Variants in EPN1 observed in about 807,000 individuals in gnomAD.
The protein encoded by EPN1 is epsin-1.
EPN1 carries 25 observed loss-of-function variants against 56.9 expected under a neutral mutation model. The observed-to-expected ratio is 0.44, with a 90% CI of 0.32 to 0.61. The LOEUF is 0.61. Ranked by LOEUF, EPN1 falls within the 20% of genes least tolerant of loss-of-function variation. The probability of loss-of-function intolerance (pLI) is 0.05; values close to 1 mark genes in which losing one functional copy is unlikely to be tolerated. For synonymous variants in EPN1, 411 were observed against 361.8 expected, an observed-to-expected ratio of 1.14 and a Z score of -1.54; for missense variants, 785 against 823.7, an observed-to-expected ratio of 0.95 and a Z score of 0.58.
chr19:55,694,843 C>T lies in EPN1; in HGVS notation c.1382C>T (p.Pro461Leu). 1 of 1,609,768 alleles carries T rather than the reference C, an allele frequency of 6.2e-7. No homozygotes were observed. Among genetic ancestry groups the T allele is most frequent in the Non-Finnish European group, 8.5e-7 (1 of 1,178,330 alleles). ...GGCAGCCCCCCACCTGCAGCCACAC[C>T]AACTCCCACGCCCCCCACCCGGAAG... The part of the protein sequence containing the change: ...AVGSPPPAAT[P>L]TPTPPTRKTP... The change falls in exon 10 of 11, where the codon CCA becomes CTA. Residue 461 changes from proline to leucine, a missense_variant. Physicochemically the swap from Pro to Leu is moderately conservative, Grantham distance 98. Around this residue, in one of 2 missense-constraint regions of EPN1, gnomAD observed 650 missense variants for 605.0 expected, o/e 1.07. Transcript: ENST00000270460. This position sits in a 1 kb window ranked among gnomAD's most constrained non-coding sequence, Gnocchi z 4.2.
intron 1 of EPN1, chr19:55,676,865 G>T: frequency 4.0e-6 from 1 of 250,098 alleles, no homozygotes; most frequent in East Asian, 7.6e-5. Flanking sequence ...TTCTCATTGT[G>T]TCTCTGCCTA....
At chr19:55,693,260 G>C (rs753216036) in intron 9 of EPN1, 17 of 540,434 alleles carry the variant, frequency 3.1e-5, no homozygotes, top group Non-Finnish European at 4.3e-5. Context: ...ACTGAGAATT[G>C]TTCTCAAGGT....
chr19:55,685,775 C>A, intron 3 of EPN1, 130 bp downstream of exon 3: 1 of 1,210,876 alleles, frequency 8.3e-7, no homozygotes. Flanking sequence ...TGCTTCTCCT[C>A]ACCTGGGCCC....
At chr19:55,677,234 C>T (rs1475075021) in intron 1 of EPN1, 2 of 1,385,004 alleles carry the variant, frequency 1.4e-6, no homozygotes, top group African/African-American at 1.4e-5. Context: ...TGTCCCTGGG[C>T]AAGGGGCTGA....
rs1987498106 is a variant in EPN1 at position 55,707,749 on chromosome 19, T to C, written c.*12393T>C. The C allele has an allele frequency of 6.5e-6, 1 of 154,544 alleles. No individual in the cohort carries two copies. Among genetic ancestry groups the C allele is most frequent in the Admixed American group, 6.5e-5 (1 of 15,288 alleles). The allele number at this position is 154,544 out of a possible 1,614,324, so 9.6% of individuals were successfully genotyped here. ...CCCACACACAAGATTCTCACCCACA[T>C]GGCCGTGGCAAACTCCTTGGTTCTT... On this transcript the variant is annotated 3_prime_UTR_variant, in exon 11 of 11. Transcript: ENST00000270460.
rs920633012 is a variant in EPN1 at position 55,707,232 on chromosome 19, C to T, written c.*11876C>T. On this transcript the variant is annotated 3_prime_UTR_variant, in exon 11 of 11. Transcript: ENST00000270460. ...TAGTGTGCACCTGTGGTCCCAGCTA[C>T]ACAGGAGGCTGAGGCAGGAGCATCA... 1 of 151,568 alleles carries T rather than the reference C, an allele frequency of 6.6e-6. No homozygotes were observed. Among genetic ancestry groups the T allele is most frequent in the Non-Finnish European group, 1.5e-5 (1 of 67,998 alleles). The allele number at this position is 151,568 out of a possible 1,614,324, so 9.4% of individuals were successfully genotyped here.
Position 55,706,579 on chromosome 19 carries a change from A to C in EPN1, c.*11223A>C, listed in dbSNP as rs1987429561. On this transcript the variant is annotated 3_prime_UTR_variant, in exon 11 of 11. Coordinates refer to ENST00000270460, the MANE Select transcript of EPN1 (RefSeq NM_001130072.2). ...AGGCGGGAGAATCGCTTGAACCCAG[A>C]GGCAGAGGCTGCAGTGAGCCAAGAT... 1 of 151,840 alleles carries C rather than the reference A, an allele frequency of 6.6e-6. No homozygotes were observed. Among genetic ancestry groups the C allele is most frequent in the Admixed American group, 6.6e-5 (1 of 15,212 alleles). The allele number at this position is 151,840 out of a possible 1,614,324, so 9.4% of individuals were successfully genotyped here.
intron 6 of EPN1, among the ~76,000 whole-genome samples, chr19:55,690,904 A>G (rs1986499737): frequency 6.6e-6 from 1 of 152,064 alleles, no homozygotes; most frequent in Non-Finnish European, 1.5e-5. Flanking sequence ...CAGCCCAGTG[A>G]CCCGAGTAAG....
chr19:55,688,847 C>A (rs114716860), intron 3 of EPN1, 23 bp from the exon 4 acceptor site: 121 of 1,568,376 alleles, frequency 7.7e-5, no homozygotes, highest in Non-Finnish European at 9.6e-5. Context: ...CTGGGTCTCA[C>A]GCGTTTCTCA....
chr19:55,677,674 G>A (rs766949554), intron 1 of EPN1: 352 of 1,551,312 alleles, frequency 2.3e-4, no homozygotes, highest in Non-Finnish European at 2.8e-4. Context: ...TGAGCCTTGG[G>A]CTTCCGCTAT....
rs1242296931 is a variant in EPN1 at position 55,704,434 on chromosome 19, T to C, written c.*9078T>C. On this transcript the variant is annotated 3_prime_UTR_variant, in exon 11 of 11. Coordinates refer to ENST00000270460, the MANE Select transcript of EPN1 (RefSeq NM_001130072.2). ...CAATCTGACTGTTATATAGTGGGGT[T>C]GCACCTTCATGTGAGGACGCCGGGA... The C allele has an allele frequency of 6.6e-6, 1 of 152,238 alleles. No individual in the cohort carries two copies. Among genetic ancestry groups the C allele is most frequent in the African/African-American group, 2.4e-5 (1 of 41,448 alleles). The allele number at this position is 152,238 out of a possible 1,614,324, so 9.4% of individuals were successfully genotyped here. A position where few individuals can be genotyped will look rare whatever the true frequency, so the allele number is the denominator to read the frequency against.
At position 55,689,751 on chromosome 19, in the gene EPN1, A is replaced by T; in HGVS notation, c.679-116A>T. Reference sequence around the variant, plus strand: ...TTCATACATTGTCCGCATCCCATCGAATCCTTCAGCCGCTTTCGTTGGGGT... The same window carrying T: ...TTCATACATTGTCCGCATCCCATCGTATCCTTCAGCCGCTTTCGTTGGGGT... On this transcript the variant is annotated intron_variant, in intron 5 of 10. Coordinates refer to ENST00000270460, the MANE Select transcript of EPN1 (RefSeq NM_001130072.2). This position sits in a 1 kb window ranked among gnomAD's most constrained non-coding sequence, Gnocchi z 5.7. 1.0e-6 allele frequency: 1 copy of T among 953,600 alleles called. No individual in the cohort carries two copies. Among genetic ancestry groups the T allele is most frequent in the Non-Finnish European group, 1.6e-6 (1 of 611,376 alleles). The allele number at this position is 953,600 out of a possible 1,614,324, so 59.1% of individuals were successfully genotyped here.
At chr19:55,677,591 C>A (rs952325665) in intron 1 of EPN1, 1 of 1,550,736 alleles carries the variant, frequency 6.4e-7, no homozygotes, top group Non-Finnish European at 8.7e-7. Context: ...GGTAATGTCC[C>A]TCTTGTGCTG....
chr19:55,678,513 T>G lies in EPN1; in HGVS notation c.-101-14T>G. ...GTCCCATTTGTGTTTCCAGAGGTCC[T>G]CTTCCCCTCGCAGATGCGGTGACCT... On this transcript the variant is annotated splice_polypyrimidine_tract_variant and intron_variant, in intron 1 of 10. Transcript: ENST00000270460. 2.0e-6 allele frequency: 3 copies of G among 1,534,734 alleles called. No homozygotes were observed. Among genetic ancestry groups the G allele is most frequent in the Non-Finnish European group, 2.6e-6 (3 of 1,143,398 alleles).
rs1216772551 is a variant in EPN1, at chr19:55,695,530, A to C, written c.*174A>C. On this transcript the variant is annotated 3_prime_UTR_variant, in exon 11 of 11. Coordinates refer to ENST00000270460, the MANE Select transcript of EPN1 (RefSeq NM_001130072.2). The surrounding 1 kb of genome is among the most constrained non-coding windows in gnomAD (Gnocchi z 4.4). Reference sequence around the variant, plus strand: ...TCCCACCCCACCTCCCCGGAGAGAAACTGGACATGGGGCCTGGGGAGGGGA... The same window carrying C: ...TCCCACCCCACCTCCCCGGAGAGAACCTGGACATGGGGCCTGGGGAGGGGA... 1.7e-6 allele frequency: 1 copy of C among 588,380 alleles called. No homozygotes were observed. The highest frequency in any genetic ancestry group is 3.0e-6 in the Non-Finnish European group (1 of 331,260). The allele number at this position is 588,380 out of a possible 1,614,324, so 36.4% of individuals were successfully genotyped here.
chr19:55,685,353 T>C lies in EPN1; in HGVS notation c.229-43T>C, dbSNP rs747080396. 15 of 1,588,786 alleles carry C rather than the reference T, an allele frequency of 9.4e-6. No homozygotes were observed. The East Asian group carries it at 3.4e-4, about 36-fold the overall frequency. On this transcript the variant is annotated intron_variant, in intron 2 of 10. Transcript: ENST00000270460. ...GTCGCAGGCAGTCTCTGGCCCGCCT[T>C]GTGCCCGGCGTGCTGACCGGGCATC...
chr19:55,677,623 A>AGG, intron 1 of EPN1: 3 of 1,551,652 alleles, frequency 1.9e-6, no homozygotes, highest in Non-Finnish European at 2.6e-6. Context: ...GGCACACAGC[A>AGG]GGGACCCAGG....
At chr19:55,678,435 C>T in intron 1 of EPN1, 92 bp from the exon 2 acceptor site, 1 of 1,289,680 alleles carries the variant, frequency 7.8e-7, no homozygotes, top group East Asian at 2.5e-5. Context: ...ACAGAGCCTT[C>T]TGGGCCACAG....
rs547709236 is a variant in EPN1, at chr19:55,699,358, G to A, written c.*4002G>A. ...TTCTAGCTTCCCGGGTGTGGCGTGA[G>A]CCATTGCGTCCGGCCAGAAATGTTT... On this transcript the variant is annotated 3_prime_UTR_variant, in exon 11 of 11. Coordinates refer to ENST00000270460, the MANE Select transcript of EPN1 (RefSeq NM_001130072.2). The A allele has an allele frequency of 6.6e-6, 1 of 152,310 alleles. No homozygotes were observed. Among genetic ancestry groups the A allele is most frequent in the East Asian group, 1.9e-4 (1 of 5,180 alleles). 9.4% of individuals were successfully genotyped at this position (152,310 alleles called of 1,614,324 possible).
Sources: allele counts gnomAD v4.1 joint callset (sites outside exome capture counted in the v4.1 genomes callset), GRCh38; gene constraint gnomAD v4.1.1; regional missense constraint gnomAD v4.1.1; non-coding constraint Gnocchi (gnomAD v3.1); transcripts MANE v1.5; gene names NCBI Gene and HGNC (gene_info 2026-07-23, HGNC 2026-07-21).